Variants in ZNF385D observed in about 807,000 individuals in gnomAD.
ZNF385D encodes the protein zinc finger protein 385D, also known as zinc finger protein 659.
ZNF385D carries 15 observed loss-of-function variants against 35.8 expected under a neutral mutation model. The observed-to-expected ratio is 0.42, with a 90% confidence interval of 0.28 to 0.64. The LOEUF (loss-of-function observed/expected upper bound fraction) is 0.64. Among genes scored for constraint, ZNF385D ranks in the 30% least tolerant of loss-of-function variants. The pLI is 0.23. For missense variants in ZNF385D, 474 were observed against 494.6 expected, an observed-to-expected ratio of 0.96 and a Z score of 0.39; for synonymous variants, 212 against 186.8, an observed-to-expected ratio of 1.13 and a Z score of -1.10.
intron 2 of ZNF385D, among the ~76,000 whole-genome samples, chr3:21,663,918 T>TATATATATATATATATATATATA (rs58884498): frequency 8.0e-6 from 1 of 124,324 alleles, no homozygotes; most frequent in Non-Finnish European, 1.6e-5. Context: ...TATATATATA[T>TATATATATATATATATATATATA]TTATTTATTT....
intron 3 of ZNF385D, among the ~76,000 whole-genome samples, chr3:21,870,739 G>C (rs1483749244): frequency 6.6e-6 from 1 of 152,054 alleles, no homozygotes; most frequent in African/African-American, 2.4e-5. Context: ...GTATATGTAT[G>C]TACACCCCAT....
intron 5 of ZNF385D, among the ~76,000 whole-genome samples, chr3:21,432,047 T>A (rs1028799301): frequency 2.0e-5 from 3 of 152,166 alleles, no homozygotes; most frequent in Non-Finnish European, 4.4e-5. Context: ...AATACAACTT[T>A]TTTTTTCATT....
intron 3 of ZNF385D, among the ~76,000 whole-genome samples, chr3:22,161,670 A>AT (rs1268573360): frequency 6.6e-6 from 1 of 152,150 alleles, no homozygotes; most frequent in Non-Finnish European, 1.5e-5. Flanking sequence ...CATGATAGAG[A>AT]ATATATAGTG....
intron 2 of ZNF385D, among the ~76,000 whole-genome samples, chr3:22,204,789 G>A (rs1233534781): frequency 1.3e-5 from 2 of 151,594 alleles, no homozygotes; most frequent in South Asian, 4.2e-4. Context: ...GTGAGCTTGA[G>A]GACAAGCTAT....
chr3:21,689,859 A>C (rs1022513030), intron 1 of ZNF385D, among the ~76,000 whole-genome samples: 6 of 146,314 alleles, frequency 4.1e-5, no homozygotes, highest in African/African-American at 1.5e-4. Context: ...TAAATTGAGA[A>C]CGTCTTCCAA....
chr3:22,161,263 C>A (rs1000169684), intron 3 of ZNF385D, among the ~76,000 whole-genome samples: 1 of 151,874 alleles, frequency 6.6e-6, no homozygotes, highest in African/African-American at 2.4e-5. Context: ...TAAAACTGTA[C>A]AAACAATATT....
chr3:22,131,758 C>G (rs1457802201), intron 3 of ZNF385D, among the ~76,000 whole-genome samples: 1 of 152,120 alleles, frequency 6.6e-6, no homozygotes, highest in Admixed American at 6.6e-5. Context: ...ATCGCTTCTA[C>G]TTTTATAGTC....
chr3:22,139,850 T>C (rs1220103252), intron 3 of ZNF385D, among the ~76,000 whole-genome samples: 1 of 152,182 alleles, frequency 6.6e-6, no homozygotes, highest in Non-Finnish European at 1.5e-5. Context: ...AGGGACATCA[T>C]TCGTTATTTG....
chr3:21,788,540 G>T (rs2071795530), intron 3 of ZNF385D, among the ~76,000 whole-genome samples: 1 of 152,202 alleles, frequency 6.6e-6, no homozygotes, highest in South Asian at 2.1e-4. Flanking sequence ...CTCATTTTCA[G>T]TGTCCTGAAA....
At chr3:21,580,369 G>C (rs1009936014) in intron 2 of ZNF385D, among the ~76,000 whole-genome samples, 8 of 152,138 alleles carry the variant, frequency 5.3e-5, no homozygotes, top group Non-Finnish European at 1.0e-4. Flanking sequence ...TTACTAACCA[G>C]ACTGCAAACA....
chr3:21,503,776 T>C (rs9877941), intron 4 of ZNF385D, among the ~76,000 whole-genome samples: 4,035 of 152,212 alleles, frequency 0.027, 173 homozygotes, highest in African/African-American at 0.091. Context: ...CATTAGAAAA[T>C]TATCTTTATT....
chr3:21,453,207 C>T (rs531533384), intron 4 of ZNF385D, among the ~76,000 whole-genome samples: 13 of 151,066 alleles, frequency 8.6e-5, no homozygotes, highest in South Asian at 4.2e-4. Context: ...TGCCTCACAC[C>T]GCATGTCATT....
At chr3:21,701,335 AC>A (rs2067675831) in intron 1 of ZNF385D, among the ~76,000 whole-genome samples, 1 of 151,952 alleles carries the variant, frequency 6.6e-6, no homozygotes, top group African/African-American at 2.4e-5. Flanking sequence ...AAAAGAGGAA[AC>A]CCCTGATAAA....
At chr3:21,821,672 T>C (rs1218084475) in intron 3 of ZNF385D, among the ~76,000 whole-genome samples, 1 of 152,108 alleles carries the variant, frequency 6.6e-6, no homozygotes, top group Non-Finnish European at 1.5e-5. Context: ...TTGCAAAAAC[T>C]AAAAAGTTGG....
intron 3 of ZNF385D, among the ~76,000 whole-genome samples, chr3:22,040,975 G>T (rs1470573497): frequency 6.6e-6 from 1 of 151,990 alleles, no homozygotes; most frequent in African/African-American, 2.4e-5. Flanking sequence ...CAATTCAGTG[G>T]TTCTTAGTAT....
At chr3:22,281,671 A>T (rs550844875) in intron 2 of ZNF385D, among the ~76,000 whole-genome samples, 1 of 151,638 alleles carries the variant, frequency 6.6e-6, no homozygotes, top group South Asian at 2.1e-4. Flanking sequence ...TTTTGCATCT[A>T]TGTTCATCAG....
In ZNF385D at chr3:22,257,424, T is replaced by A. The variant is rs530874489; in HGVS notation, c.107-88389A>T. On this transcript the variant is annotated intron_variant, in intron 2 of 5. Coordinates refer to the ZNF385D transcript ENST00000494108. ...CCTCTCAATTTTTCATATGATTGCA[T>A]CTTCTTGATGTGCAATTGCATCATC... is the stretch of plus-strand genomic sequence containing the variant. Among the ~76,000 whole-genome samples the A allele has an allele frequency of 4.6e-5, 7 of 151,974 alleles. No individual in the cohort carries two copies. In the East Asian group the frequency reaches 1.2e-3, roughly 25 times the overall value.
At chr3:22,314,415 C>A (rs1239166852) in intron 2 of ZNF385D, among the ~76,000 whole-genome samples, 4 of 152,142 alleles carry the variant, frequency 2.6e-5, no homozygotes, top group Non-Finnish European at 4.4e-5. Context: ...GAATAATAGT[C>A]TCCAATCCCA....
intron 3 of ZNF385D, among the ~76,000 whole-genome samples, chr3:21,760,517 C>G (rs1425123973): frequency 6.6e-6 from 1 of 152,138 alleles, no homozygotes; most frequent in Non-Finnish European, 1.5e-5. Flanking sequence ...ATGAAGGTAA[C>G]CCTCACATTT....
Sources: allele counts gnomAD v4.1 joint callset (sites outside exome capture counted in the v4.1 genomes callset), GRCh38; gene constraint gnomAD v4.1.1; transcripts MANE v1.5; gene names NCBI Gene and HGNC (gene_info 2026-07-23, HGNC 2026-07-21).